NR6A1: variants seen among roughly 807,000 people sequenced by gnomAD.
NR6A1 encodes nuclear receptor subfamily 6 group A member 1, also known as retinoic acid receptor-related testis-associated receptor.
NR6A1 carries 7 observed loss-of-function variants against 59.1 expected under a neutral mutation model. The observed-to-expected ratio is 0.12, with a 90% confidence interval of 0.07 to 0.22. NR6A1 has a LOEUF of 0.22. Among genes scored for constraint, NR6A1 ranks in the 10% least tolerant of loss-of-function variants. The pLI is 1.00. For synonymous variants in NR6A1, 243 were observed against 236.1 expected (o/e 1.03, Z -0.27); for missense variants, 468 against 611.6 (o/e 0.77, Z 2.48).
intron 2 of NR6A1, chr9:124,693,788 C>T (rs556435419): frequency 3.7e-6 from 2 of 534,176 alleles, no homozygotes; most frequent in Non-Finnish European, 7.7e-6. Context: ...ATGCAAACTG[C>T]GGACCAAACA....
intron 2 of NR6A1, among the ~76,000 whole-genome samples, chr9:124,643,121 A>C (rs1297519799): frequency 6.6e-6 from 1 of 151,824 alleles, no homozygotes; most frequent in African/African-American, 2.4e-5. Context: ...GAACAAAAAC[A>C]AGCTAAAAGA....
intron 2 of NR6A1, among the ~76,000 whole-genome samples, chr9:124,610,787 C>T (rs994095329): frequency 1.3e-5 from 2 of 152,098 alleles, no homozygotes; most frequent in African/African-American, 4.8e-5. Context: ...AACTCATTAT[C>T]GGTCTATTCA....
At chr9:124,615,904 C>T (rs767652369) in intron 2 of NR6A1, among the ~76,000 whole-genome samples, 17 of 151,914 alleles carry the variant, frequency 1.1e-4, no homozygotes, top group African/African-American at 3.1e-4. Flanking sequence ...GCACAATCTC[C>T]GCTCACTGCA....
At chr9:124,762,322 T>C (rs1278928204) in intron 1 of NR6A1, among the ~76,000 whole-genome samples, 1 of 152,236 alleles carries the variant, frequency 6.6e-6, no homozygotes, top group African/African-American at 2.4e-5. Flanking sequence ...CAAATAACAT[T>C]TTTATGAAAA....
chr9:124,559,888 C>A (rs1834033679), intron 2 of NR6A1, among the ~76,000 whole-genome samples: 1 of 152,118 alleles, frequency 6.6e-6, no homozygotes, highest in South Asian at 2.1e-4. Context: ...AACAAAGTAT[C>A]CAGAACTGAA....
intron 2 of NR6A1, among the ~76,000 whole-genome samples, chr9:124,714,229 G>A (rs186936012): frequency 1.0e-3 from 156 of 152,320 alleles, no homozygotes; most frequent in African/African-American, 2.8e-3. Flanking sequence ...TGGTTACCAG[G>A]AGCAGGGGAG....
Position 124,750,570 on chromosome 9 carries a change from C to A in NR6A1, c.101-17221G>T, listed in dbSNP as rs373426981. 1.2e-3 allele frequency among the ~76,000 whole-genome samples: 183 copies of A among 152,134 alleles called. 2 individuals are homozygous for A. Among genetic ancestry groups the A allele is most frequent in the African/African-American group, 3.9e-3 (163 of 41,498 alleles). ...GGTCAGGAGAACGAGACCAGCCTGGCCAATATGGTGAAACCCCGTCTCTAC... is the reference window on the plus strand; with the variant it reads ...GGTCAGGAGAACGAGACCAGCCTGGACAATATGGTGAAACCCCGTCTCTAC... On this transcript the variant is annotated intron_variant, in intron 1 of 9. Transcript: ENST00000487099.
intron 2 of NR6A1, among the ~76,000 whole-genome samples, chr9:124,557,436 C>A (rs1483278111): frequency 2.6e-5 from 4 of 152,084 alleles, no homozygotes; most frequent in African/African-American, 9.7e-5. Flanking sequence ...CCCGGCCAAT[C>A]CTCCTTCTTT....
chr9:124,687,291 A>AT (rs1838365950), intron 2 of NR6A1, among the ~76,000 whole-genome samples: 13 of 142,172 alleles, frequency 9.1e-5, no homozygotes, highest in East Asian at 4.1e-4. Context: ...CAGCTAATTA[A>AT]TTATTTATTT....
At chr9:124,590,293 G>A (rs981581712) in intron 2 of NR6A1, among the ~76,000 whole-genome samples, 2 of 151,496 alleles carry the variant, frequency 1.3e-5, no homozygotes, top group African/African-American at 4.9e-5. Flanking sequence ...CTATTTTGCA[G>A]CCATACATTT....
chr9:124,641,330 G>C (rs1458746051), intron 2 of NR6A1, among the ~76,000 whole-genome samples: 1 of 149,382 alleles, frequency 6.7e-6, no homozygotes, highest in Non-Finnish European at 1.5e-5. Flanking sequence ...TTGCACTCCA[G>C]CCTGGGCAAA....
chr9:124,708,496 CTT>C (rs1431031901), intron 2 of NR6A1, among the ~76,000 whole-genome samples: 1 of 152,178 alleles, frequency 6.6e-6, no homozygotes, highest in African/African-American at 2.4e-5. Flanking sequence ...ATATAAATGT[CTT>C]TGGCACCCAA....
intron 2 of NR6A1, among the ~76,000 whole-genome samples, chr9:124,668,612 G>C (rs531165865): frequency 2.0e-5 from 3 of 152,212 alleles, no homozygotes; most frequent in African/African-American, 7.2e-5. Flanking sequence ...ATACACAATG[G>C]AATCCATTCT....
At chr9:124,729,697 C>T (rs552879034) in intron 2 of NR6A1, among the ~76,000 whole-genome samples, 19 of 152,342 alleles carry the variant, frequency 1.2e-4, no homozygotes, top group Non-Finnish European at 2.4e-4. Flanking sequence ...GCCAATTTAA[C>T]ACAACACACA....
chr9:124,601,210 A>G (rs1003902010), intron 2 of NR6A1, among the ~76,000 whole-genome samples: 1 of 152,018 alleles, frequency 6.6e-6, no homozygotes, highest in African/African-American at 2.4e-5. Flanking sequence ...CCGGAGACGG[A>G]GGTTGCAGTG....
At chr9:124,567,286 G>C (rs1834287395) in intron 2 of NR6A1, among the ~76,000 whole-genome samples, 1 of 152,094 alleles carries the variant, frequency 6.6e-6, no homozygotes, top group Non-Finnish European at 1.5e-5. Context: ...GTGGGGGTTA[G>C]GGGGTCAGAG....
chr9:124,599,111 T>C, intron 2 of NR6A1: 1 of 687,892 alleles, frequency 1.5e-6, no homozygotes. Flanking sequence ...TAGGAGACGG[T>C]TCTCTGCGGC....
intron 2 of NR6A1, among the ~76,000 whole-genome samples, chr9:124,660,148 C>G (rs571997369): frequency 1.3e-4 from 20 of 152,252 alleles, no homozygotes; most frequent in African/African-American, 4.8e-4. Flanking sequence ...AGGTAGAAAA[C>G]TTTAAAGAGA....
chr9:124,596,610 C>T (rs1835279548), intron 2 of NR6A1, among the ~76,000 whole-genome samples: 1 of 152,198 alleles, frequency 6.6e-6, no homozygotes, highest in African/African-American at 2.4e-5. Flanking sequence ...AAAGTTTACA[C>T]CTTCAAACTA....
Sources: allele counts gnomAD v4.1 joint callset (sites outside exome capture counted in the v4.1 genomes callset), GRCh38; gene constraint gnomAD v4.1.1; transcripts MANE v1.5; gene names NCBI Gene and HGNC (gene_info 2026-07-23, HGNC 2026-07-21).